DRC11: variants seen among roughly 807,000 people sequenced by gnomAD.
DRC11 encodes dynein regulatory complex subunit 11, also known as IQ and AAA domain-containing protein 1.
the DRC11 span, chr2:236,486,877 A>T: frequency 2.7e-4 from 436 of 1,610,252 alleles, 2 homozygotes; most frequent in Middle Eastern, 2.5e-3. The surrounding 1 kb of genome is among the most constrained non-coding windows in gnomAD (Gnocchi z 5.7). Context: ...CAGTTTCCTT[A>T]CGTTGATGGA....
chr2:236,489,242 G>A, the DRC11 span, among the ~76,000 whole-genome samples: 2 of 140,304 alleles, frequency 1.4e-5, no homozygotes, highest in East Asian at 2.2e-4. Flanking sequence ...GGCTCCGGGT[G>A]CAGGTGAGGC....
the DRC11 span, among the ~76,000 whole-genome samples, chr2:236,317,187 TC>T: frequency 6.6e-6 from 1 of 151,842 alleles, no homozygotes; most frequent in Non-Finnish European, 1.5e-5. This position sits in a 1 kb window ranked among gnomAD's most constrained non-coding sequence, Gnocchi z 5.4. Flanking sequence ...TCCCGGCTAC[TC>T]AGGAGGCTGA....
the DRC11 span, among the ~76,000 whole-genome samples, chr2:236,311,175 G>A: frequency 6.6e-6 from 1 of 152,228 alleles, no homozygotes; most frequent in African/African-American, 2.4e-5. The surrounding 1 kb of genome is among the most constrained non-coding windows in gnomAD (Gnocchi z 6.9). Context: ...ATCAGCTTCC[G>A]CCAAGGCCTC....
chr2:236,502,887 G>A, the DRC11 span, among the ~76,000 whole-genome samples: 4 of 149,964 alleles, frequency 2.7e-5, no homozygotes, highest in Non-Finnish European at 5.9e-5. Flanking sequence ...CCCGGGAGGC[G>A]GAGGTTGCAG....
chr2:236,486,586 C>T, the DRC11 span, among the ~76,000 whole-genome samples: 7 of 152,246 alleles, frequency 4.6e-5, no homozygotes, highest in African/African-American at 1.7e-4. The surrounding 1 kb of genome is among the most constrained non-coding windows in gnomAD (Gnocchi z 5.7). Flanking sequence ...CAGATTGTGA[C>T]GGCTCCTAGC....
At chr2:236,480,812 G>T in the DRC11 span, among the ~76,000 whole-genome samples, 88 of 152,328 alleles carry the variant, frequency 5.8e-4, no homozygotes, top group African/African-American at 2.0e-3. Context: ...TGTCATTGAA[G>T]AATTAGTTAT....
the DRC11 span, among the ~76,000 whole-genome samples, chr2:236,473,082 A>T: frequency 6.6e-6 from 1 of 152,196 alleles, no homozygotes; most frequent in Non-Finnish European, 1.5e-5. The surrounding 1 kb of genome is among the most constrained non-coding windows in gnomAD (Gnocchi z 4.8). Flanking sequence ...TGAGAATAAT[A>T]TTTTTTTAAA....
the DRC11 span, among the ~76,000 whole-genome samples, chr2:236,395,669 TC>T: frequency 6.6e-6 from 1 of 152,236 alleles, no homozygotes; most frequent in Admixed American, 6.5e-5. Flanking sequence ...AATCAATGCT[TC>T]CTTTTATGTG....
At chr2:236,395,366 C>T in the DRC11 span, among the ~76,000 whole-genome samples, 317 of 152,262 alleles carry the variant, frequency 2.1e-3, 2 homozygotes, top group Middle Eastern at 3.4e-3. Flanking sequence ...AGAGCCAGCC[C>T]GAGAGCCAAG....
the DRC11 span, among the ~76,000 whole-genome samples, chr2:236,327,870 C>T: frequency 1.3e-5 from 2 of 152,062 alleles, no homozygotes; most frequent in African/African-American, 4.8e-5. Flanking sequence ...TTAGTAGAGA[C>T]GGAGTTTCTC....
the DRC11 span, among the ~76,000 whole-genome samples, chr2:236,426,334 AG>A: frequency 6.6e-6 from 1 of 151,950 alleles, no homozygotes; most frequent in East Asian, 1.9e-4. This position sits in a 1 kb window ranked among gnomAD's most constrained non-coding sequence, Gnocchi z 4.1. Flanking sequence ...CATGTTTTGT[AG>A]GTTTCAATAC....
At chr2:236,421,482 T>C in the DRC11 span, among the ~76,000 whole-genome samples, 4,425 of 152,140 alleles carry the variant, frequency 0.029, 213 homozygotes, top group African/African-American at 0.1. Context: ...AATTCCTCGA[T>C]ACATACACCC....
At chr2:236,383,812 C>G in the DRC11 span, among the ~76,000 whole-genome samples, 2 of 151,930 alleles carry the variant, frequency 1.3e-5, no homozygotes, top group Non-Finnish European at 2.9e-5. Context: ...TATCCCTCCC[C>G]ACTCCCCCCA....
chr2:236,345,133 C>T, the DRC11 span, among the ~76,000 whole-genome samples: 21 of 146,104 alleles, frequency 1.4e-4, no homozygotes, highest in East Asian at 4.6e-3. Flanking sequence ...TGTGCAGAGC[C>T]CTGGTTGTAA....
the DRC11 span, among the ~76,000 whole-genome samples, chr2:236,477,007 T>C: frequency 6.6e-6 from 1 of 152,228 alleles, no homozygotes; most frequent in African/African-American, 2.4e-5. Flanking sequence ...AATTTGGTTT[T>C]TTAGTGTTTT....
the DRC11 span, among the ~76,000 whole-genome samples, chr2:236,477,774 A>G: frequency 2.6e-5 from 4 of 152,106 alleles, no homozygotes; most frequent in African/African-American, 9.7e-5. Context: ...TAGGTTGTAC[A>G]TGTCCAGAAA....
At chr2:236,481,112 T>G in the DRC11 span, among the ~76,000 whole-genome samples, 1 of 152,222 alleles carries the variant, frequency 6.6e-6, no homozygotes, top group Non-Finnish European at 1.5e-5. Context: ...GTGGTGCTGC[T>G]GAACAGCCAT....
At chr2:236,456,616 C>G in the DRC11 span, among the ~76,000 whole-genome samples, 1 of 152,164 alleles carries the variant, frequency 6.6e-6, no homozygotes, top group South Asian at 2.1e-4. The surrounding 1 kb of genome is among the most constrained non-coding windows in gnomAD (Gnocchi z 5.4). Context: ...TAATTTACAT[C>G]ACTTTCAGAT....
At chr2:236,465,367 C>G in the DRC11 span, 10 of 704,490 alleles carry the variant, frequency 1.4e-5, no homozygotes, top group Middle Eastern at 7.9e-4. This position sits in a 1 kb window ranked among gnomAD's most constrained non-coding sequence, Gnocchi z 6.2. Flanking sequence ...GAATTCTTAG[C>G]CTTGGCATTT....
Sources: allele counts gnomAD v4.1 joint callset (sites outside exome capture counted in the v4.1 genomes callset), GRCh38; gene constraint gnomAD v4.1.1; non-coding constraint Gnocchi (gnomAD v3.1); transcripts MANE v1.5; gene names NCBI Gene and HGNC (gene_info 2026-07-23, HGNC 2026-07-21).